The following AUTS2 variants were observed in gnomAD, a reference collection of about 807,000 sequenced individuals.
AUTS2 encodes activator of transcription and developmental regulator AUTS2.
In AUTS2, 17 loss-of-function variants were observed where a neutral mutation model predicts 112.4. The observed-to-expected ratio is 0.15, with a 90% CI of 0.10 to 0.23. The LOEUF is 0.23. Among genes scored for constraint, AUTS2 ranks in the 10% least tolerant of loss-of-function variants. The pLI, the probability that AUTS2 is intolerant of heterozygous loss-of-function variation, is 1.00. For missense variants in AUTS2, 1,510 were observed against 1,701.6 expected (o/e 0.89, Z 1.98); for synonymous variants, 751 against 702.7 (o/e 1.07, Z -1.09).
At chr7:69,919,501 G>A (rs1412495691) in intron 2 of AUTS2, among the ~76,000 whole-genome samples, 1 of 152,230 alleles carries the variant, frequency 6.6e-6, no homozygotes, top group Non-Finnish European at 1.5e-5. Context: ...CAGTTTTATT[G>A]TGAATATGTT....
chr7:70,521,874 T>G (rs2129495126), intron 5 of AUTS2, among the ~76,000 whole-genome samples: 1 of 152,272 alleles, frequency 6.6e-6, no homozygotes, highest in African/African-American at 2.4e-5. Context: ...GACTCTGCCT[T>G]TGCCTCTCAG....
At chr7:70,517,511 TATATACACATATATACAAATTGC>T (rs66697567) in intron 5 of AUTS2, among the ~76,000 whole-genome samples, 60,406 of 143,964 alleles carry the variant, frequency 0.42, 13,843 homozygotes, top group Middle Eastern at 0.51. Context: ...GGGCAAATTG[TATATACACATATATACAAATTGC>T]ATATACACAT....
chr7:70,698,853 A>G (rs1809285549), intron 6 of AUTS2: 3 of 413,850 alleles, frequency 7.2e-6, no homozygotes, highest in Non-Finnish European at 1.3e-5. Flanking sequence ...GATTTGACTA[A>G]TCACTACTAC....
intron 2 of AUTS2, among the ~76,000 whole-genome samples, chr7:69,920,671 A>G (rs530046957): frequency 6.6e-6 from 1 of 152,244 alleles, no homozygotes; most frequent in East Asian, 1.9e-4. Flanking sequence ...TACCCTATTT[A>G]TGTAGACTGA....
intron 2 of AUTS2, among the ~76,000 whole-genome samples, chr7:69,910,717 C>T (rs1795318233): frequency 6.6e-6 from 1 of 152,190 alleles, no homozygotes; most frequent in Admixed American, 6.5e-5. Context: ...CAACCTCTGC[C>T]TCCTGGTTTA....
chr7:70,741,203 A>G (rs1204941037), intron 6 of AUTS2, among the ~76,000 whole-genome samples: 1 of 152,088 alleles, frequency 6.6e-6, no homozygotes, highest in African/African-American at 2.4e-5. Flanking sequence ...GAATTTCCCT[A>G]ATTTTATAGT....
At chr7:69,892,638 T>C (rs1214659927) in intron 1 of AUTS2, among the ~76,000 whole-genome samples, 1 of 152,222 alleles carries the variant, frequency 6.6e-6, no homozygotes, top group Non-Finnish European at 1.5e-5. Context: ...AATTTATCAA[T>C]TTATTCTTTT....
At chr7:69,829,849 C>G (rs1437080701) in intron 1 of AUTS2, among the ~76,000 whole-genome samples, 1 of 152,054 alleles carries the variant, frequency 6.6e-6, no homozygotes, top group Non-Finnish European at 1.5e-5. Flanking sequence ...GGATCTAGAA[C>G]CAGAAATGCC....
At chr7:69,748,241 A>C (rs373828964) in intron 1 of AUTS2, among the ~76,000 whole-genome samples, 1 of 152,174 alleles carries the variant, frequency 6.6e-6, no homozygotes. Context: ...AAACTTTCCT[A>C]GATAAGGCAT....
rs567605769 is a variant in AUTS2 at position 70,077,740 on chromosome 7, A to G, written c.523-40392A>G. 4.6e-5 allele frequency among the ~76,000 whole-genome samples: 7 copies of G among 152,274 alleles called. No individual in the cohort carries two copies. The East Asian group carries it at 1.4e-3, about 29-fold the overall frequency. On this transcript the variant is annotated intron_variant, in intron 2 of 18. Transcript: ENST00000342771. ...CACACACAAATGCCAACACTTCACC[A>G]AGAGTGGAAGCCATCAGGCTGCACT...
chr7:70,481,201 T>C (rs1299371584), intron 5 of AUTS2, among the ~76,000 whole-genome samples: 3 of 152,186 alleles, frequency 2.0e-5, no homozygotes, highest in Non-Finnish European at 2.9e-5. Flanking sequence ...GAAGGGCTCA[T>C]GCTTGTGTGT....
At chr7:70,739,858 C>A (rs1237922365) in intron 6 of AUTS2, among the ~76,000 whole-genome samples, 1 of 151,758 alleles carries the variant, frequency 6.6e-6, no homozygotes, top group African/African-American at 2.4e-5. Context: ...AGTCTGTTCC[C>A]CATGTAGTTG....
intron 2 of AUTS2, among the ~76,000 whole-genome samples, chr7:69,994,087 C>T (rs1036425778): frequency 5.9e-5 from 9 of 152,104 alleles, no homozygotes; most frequent in African/African-American, 1.4e-4. Flanking sequence ...ATTAATAAGG[C>T]TGGGCATGGT....
At chr7:70,692,935 C>T (rs1808831661) in intron 5 of AUTS2, among the ~76,000 whole-genome samples, 2 of 152,194 alleles carry the variant, frequency 1.3e-5, no homozygotes, top group African/African-American at 4.8e-5. Flanking sequence ...TCCTCTCTTC[C>T]TCCAGCCACA....
intron 13 of AUTS2, chr7:70,776,813 C>T (rs1790729660): frequency 2.2e-6 from 1 of 445,452 alleles, no homozygotes; most frequent in South Asian, 2.4e-5. Context: ...AGAAGAGGCA[C>T]AGAGTGGGAT....
At chr7:70,586,779 T>G (rs955637782) in intron 5 of AUTS2, among the ~76,000 whole-genome samples, 2 of 152,236 alleles carry the variant, frequency 1.3e-5, no homozygotes, top group Non-Finnish European at 2.9e-5. Flanking sequence ...ACATTTACTG[T>G]TCCTGTCCTT....
At chr7:69,857,013 C>T (rs1212975779) in intron 1 of AUTS2, among the ~76,000 whole-genome samples, 2 of 152,138 alleles carry the variant, frequency 1.3e-5, no homozygotes, top group African/African-American at 4.8e-5. Flanking sequence ...GATGCAGAAG[C>T]TATTTCTTTT....
intron 2 of AUTS2, among the ~76,000 whole-genome samples, chr7:70,083,282 A>G (rs1210007000): frequency 1.3e-5 from 2 of 152,122 alleles, no homozygotes; most frequent in Non-Finnish European, 2.9e-5. Context: ...CTCCTGTTAG[A>G]AAACCATCAA....
chr7:70,141,791 G>C (rs777528169), intron 4 of AUTS2, among the ~76,000 whole-genome samples: 1 of 152,098 alleles, frequency 6.6e-6, no homozygotes, highest in Non-Finnish European at 1.5e-5. Context: ...GAGGGAATAG[G>C]ATCAGTGAGC....
Sources: gnomAD v4.1 joint callset for allele counts (sites outside exome capture counted in the v4.1 genomes callset) on GRCh38, gnomAD v4.1.1 for gene constraint, MANE v1.5 for transcripts, NCBI Gene and HGNC (gene_info 2026-07-23, HGNC 2026-07-21) for gene names.